Variants in CLTCL1 observed in about 807,000 individuals in gnomAD.
CLTCL1 encodes clathrin heavy chain 2.
CLTCL1 carries 159 observed loss-of-function variants against 190.0 expected under a neutral mutation model. The ratio of observed to expected loss-of-function variants is 0.84; its 90% confidence interval spans 0.74 to 0.95. The LOEUF (loss-of-function observed/expected upper bound fraction) is 0.95, where lower values mean the gene tolerates loss of function less well. Among genes scored for constraint, CLTCL1 ranks in the 40% least tolerant of loss-of-function variants. The pLI, the probability that CLTCL1 is intolerant of heterozygous loss-of-function variation, is 0.00. For missense variants in CLTCL1, 1,878 were observed against 2,033.4 expected, an observed-to-expected ratio of 0.92 and a Z score of 1.47; for synonymous variants, 752 against 769.6, an observed-to-expected ratio of 0.98 and a Z score of 0.38.
intron 28 of CLTCL1, 38 bp from the exon 29 acceptor site, chr22:19,187,766 A>G: frequency 1.2e-6 from 2 of 1,602,004 alleles, no homozygotes; most frequent in Non-Finnish European, 1.7e-6. Context: ...TGGGACACTG[A>G]CATGGGCTGC....
At chr22:19,230,116 A>C (rs1555958232) in intron 10 of CLTCL1, 141 bp from the exon 11 acceptor site, 1 of 607,212 alleles carries the variant, frequency 1.6e-6, no homozygotes, top group Non-Finnish European at 2.4e-6. Context: ...TTTTTTTTTG[A>C]GATGGAGTCT....
At chr22:19,219,481 G>A (rs1448826682) in intron 18 of CLTCL1, among the ~76,000 whole-genome samples, 1 of 142,926 alleles carries the variant, frequency 7.0e-6, no homozygotes, top group African/African-American at 2.6e-5. Flanking sequence ...CACCATGCCT[G>A]GCCTATTTAT....
chr22:19,189,237 G>A (rs1555930173), intron 27 of CLTCL1, among the ~76,000 whole-genome samples: 2 of 152,204 alleles, frequency 1.3e-5, no homozygotes, highest in African/African-American at 4.8e-5. Context: ...AATGAGGTTT[G>A]CCTCACTGAC....
At position 19,219,909 on chromosome 22, in the gene CLTCL1, T is replaced by C. The variant is rs2085513690; in HGVS notation, c.2895A>G (p.Pro965=). 6.2e-7 allele frequency: 1 copy of C among 1,613,922 alleles called. No homozygotes were observed. Among genetic ancestry groups the C allele is most frequent in the African/African-American group, 1.3e-5 (1 of 74,938 alleles). The change falls in exon 18 of 33, where the codon CCA becomes CCG. Residue 965 remains proline (P), a synonymous_variant. Transcript: ENST00000427926. ...LWAHVLEETN[P]SRRQLIDQVV... ...CCTGGTCAATTAGCTGTCTCCTGGA[T>C]GGGTTGGTCTCCTCAAGGACGTGAG...
chr22:19,286,485 C>T (rs1486625488), intron 1 of CLTCL1, among the ~76,000 whole-genome samples: 1 of 152,192 alleles, frequency 6.6e-6, no homozygotes, highest in South Asian at 2.1e-4. Context: ...CAACTGCTGT[C>T]TTAGTACATC....
chr22:19,190,998 G>A (rs183402821), intron 27 of CLTCL1, among the ~76,000 whole-genome samples: 3 of 151,936 alleles, frequency 2.0e-5, no homozygotes, highest in East Asian at 1.9e-4. Flanking sequence ...GGGTGGTCTC[G>A]ATCTCCTGAC....
chr22:19,236,423 A>C (rs2086083342), intron 5 of CLTCL1, among the ~76,000 whole-genome samples: 1 of 152,130 alleles, frequency 6.6e-6, no homozygotes, highest in Non-Finnish European at 1.5e-5. Context: ...TTCTACCACC[A>C]CTTATTAACC....
intron 12 of CLTCL1, 37 bp downstream of exon 12, chr22:19,226,182 A>C: frequency 6.2e-7 from 1 of 1,601,528 alleles, no homozygotes; most frequent in Non-Finnish European, 8.5e-7. Flanking sequence ...TTGCATAGAC[A>C]ACAGCCATAA....
intron 22 of CLTCL1, chr22:19,207,683 A>G: frequency 4.2e-6 from 2 of 472,948 alleles, no homozygotes; most frequent in South Asian, 5.2e-5. Context: ...CTGTATTTAC[A>G]GCTGCTCCTC....
At position 19,221,580 on chromosome 22, in the gene CLTCL1, G is replaced by A; in HGVS notation, c.2593C>T (p.Gln865Ter). The A allele has an allele frequency of 6.3e-7, 1 of 1,597,400 alleles. No homozygotes were observed. The highest frequency in any genetic ancestry group is 1.1e-5 in the South Asian group (1 of 88,128). The change falls in exon 17 of 33, where the codon CAG (glutamine) becomes TAG (stop). Residue 865 changes from glutamine (Q) to a stop codon, truncating the protein, a stop_gained. Transcript: ENST00000427926. LOFTEE classifies it high-confidence loss of function. ...GGCTCCTCACAGCCTTCCTGAATCTGGGACTCCAGCCAGGGAAGCAGCAGC... is the reference window on the plus strand; with the variant it reads ...GGCTCCTCACAGCCTTCCTGAATCTAGGACTCCAGCCAGGGAAGCAGCAGC... ...LKLLLPWLES[Q>*]IQEGCEEPAT...
Position 19,239,307 on chromosome 22 carries a change from C to G in CLTCL1, c.763G>C (p.Glu255Gln), listed in dbSNP as rs782008015. The G allele has an allele frequency of 5.0e-6, 8 of 1,613,846 alleles. No homozygotes were observed. Among genetic ancestry groups the G allele is most frequent in the Non-Finnish European group, 6.8e-6 (8 of 1,179,862 alleles). ...KKAVDVFFPP[E>Q]AQNDFPVAMQ... ...GCCACTGGAAAATCATTCTGTGCCT[C>G]TGGAGGAAAAAACACATCTACTGCT... Residue 255 changes from glutamate (E) to glutamine (Q), a missense_variant, in exon 5 of 33, where the codon GAG becomes CAG. Physicochemically the swap from Glu to Gln is conservative, Grantham distance 29. Transcript: ENST00000427926.
chr22:19,261,551 C>G (rs959685170), intron 2 of CLTCL1, among the ~76,000 whole-genome samples: 1 of 152,086 alleles, frequency 6.6e-6, no homozygotes, highest in African/African-American at 2.4e-5. Context: ...GAGAGGAGAT[C>G]AAAATATCAA....
At chr22:19,269,099 AAAG>A (rs1450062052) in intron 2 of CLTCL1, among the ~76,000 whole-genome samples, 1 of 151,710 alleles carries the variant, frequency 6.6e-6, no homozygotes, top group Non-Finnish European at 1.5e-5. Flanking sequence ...AAAAAAAAAA[AAAG>A]AAGAAAAAAA....
intron 1 of CLTCL1, among the ~76,000 whole-genome samples, 177 bp from the exon 2 acceptor site, chr22:19,276,007 A>C (rs563922822): frequency 1.1e-4 from 11 of 98,412 alleles, no homozygotes; most frequent in Non-Finnish European, 1.9e-4. Flanking sequence ...CAAGCCTGTG[A>C]ATCAACTCTC....
In CLTCL1 at chr22:19,233,274, G is replaced by T. The variant is rs1555959997; in HGVS notation, c.1413C>A (p.Asp471Glu). The change falls in exon 9 of 33, where the codon GAC becomes GAA. Residue 471 changes from aspartate (D) to glutamate (E), a missense_variant. By Grantham distance (45) the Asp-to-Glu change is conservative (BLOSUM62 2). Coordinates refer to ENST00000427926, the MANE Select transcript of CLTCL1 (RefSeq NM_007098.4). Reference protein sequence around the residue: ...EELGDLVKTTDPMLALSVYLR... With the variant: ...EELGDLVKTTEPMLALSVYLR... ...GGTACACACTCAGAGCGAGCATGGG[G>T]TCAGTGGTTTTGACCAAGTCTCCGA... 3 of 1,613,808 alleles carry T rather than the reference G, an allele frequency of 1.9e-6. No homozygotes were observed. The highest frequency in any genetic ancestry group is 2.2e-5 in the South Asian group (2 of 91,094).
chr22:19,222,621 G>A, intron 15 of CLTCL1, 63 bp downstream of exon 15: 3 of 1,548,284 alleles, frequency 1.9e-6, no homozygotes, highest in Admixed American at 3.9e-5. Context: ...GCCTCTGAGG[G>A]GAAGACTGCC....
intron 30 of CLTCL1, 176 bp downstream of exon 30, chr22:19,183,214 G>A: frequency 3.3e-6 from 2 of 603,224 alleles, no homozygotes; most frequent in South Asian, 2.0e-5. Flanking sequence ...TTAACGTTGG[G>A]CAGAAAACCA....
At chr22:19,287,683 G>A (rs571797113) in intron 1 of CLTCL1, among the ~76,000 whole-genome samples, 25 of 152,280 alleles carry the variant, frequency 1.6e-4, no homozygotes, top group African/African-American at 4.3e-4. Flanking sequence ...TAGGGAAACG[G>A]TAGTCATGAT....
At chr22:19,202,173 G>A (rs2084907171) in intron 22 of CLTCL1, among the ~76,000 whole-genome samples, 1 of 152,002 alleles carries the variant, frequency 6.6e-6, no homozygotes, top group African/African-American at 2.4e-5. Flanking sequence ...CCCAGATCAT[G>A]CTGGACAGCT....
Sources: allele counts gnomAD v4.1 joint callset (sites outside exome capture counted in the v4.1 genomes callset), GRCh38; gene constraint gnomAD v4.1.1; transcripts MANE v1.5; gene names NCBI Gene and HGNC (gene_info 2026-07-23, HGNC 2026-07-21).